CTBP2: variants seen among roughly 807,000 people sequenced by gnomAD.
CTBP2 encodes C-terminal-binding protein 2.
CTBP2 carries 30 observed loss-of-function variants against 80.3 expected under a neutral mutation model. The ratio of observed to expected loss-of-function variants is 0.37; its 90% CI spans 0.28 to 0.51. The LOEUF (loss-of-function observed/expected upper bound fraction) is 0.51. CTBP2 is among the 20% of genes least tolerant of loss of function. The probability of loss-of-function intolerance (pLI) is 0.93; values close to 1 mark genes in which losing one functional copy is unlikely to be tolerated. For missense variants in CTBP2, 1,212 were observed against 1,375.3 expected, an observed-to-expected ratio of 0.88 and a Z score of 1.88; for synonymous variants, 594 against 587.4, an observed-to-expected ratio of 1.01 and a Z score of -0.16.
intron 2 of CTBP2, among the ~76,000 whole-genome samples, chr10:125,096,821 C>T (rs928484640): frequency 1.3e-5 from 2 of 152,006 alleles, no homozygotes; most frequent in African/African-American, 2.4e-5. Context: ...AAGAGTGCCC[C>T]AATTTCTTCC....
chr10:124,997,880 T>C (rs755982877), intron 4 of CTBP2, 84 bp downstream of exon 6: 28 of 1,425,002 alleles, frequency 2.0e-5, no homozygotes, highest in Non-Finnish European at 2.6e-5. Context: ...AAGAGCAGGC[T>C]GGGGTTGCCT....
intron 2 of CTBP2, among the ~76,000 whole-genome samples, chr10:125,063,913 C>T (rs1035700484): frequency 1.3e-4 from 20 of 151,938 alleles, no homozygotes; most frequent in Non-Finnish European, 2.9e-4. Flanking sequence ...CACGGTTTTC[C>T]CCCACCCCCA....
In CTBP2 at chr10:125,059,659, G is replaced by A. The variant is rs562192642; in HGVS notation, c.-101-20504C>T. On this transcript the variant is annotated intron_variant, in intron 2 of 10. Transcript: ENST00000337195. ...CTGGACCCATTAGCCTAATGTCCAC[G>A]CTAAGATTTTCACACTGTTTTTTGA... Among the ~76,000 whole-genome samples, 90 of 152,238 alleles carry A rather than the reference G, an allele frequency of 5.9e-4. 2 individuals carry two copies. The South Asian group carries it at 0.017, about 29-fold the overall frequency.
At chr10:125,080,297 C>T (rs74495065) in intron 2 of CTBP2, among the ~76,000 whole-genome samples, 1 of 144,616 alleles carries the variant, frequency 6.9e-6, no homozygotes, top group South Asian at 2.1e-4. Context: ...AAAAAAAAAA[C>T]ACACACCCAC....
upstream of CTBP2, among the ~76,000 whole-genome samples, chr10:125,029,414 A>T (rs1957964283): frequency 6.6e-6 from 1 of 151,914 alleles, no homozygotes; most frequent in South Asian, 2.1e-4. Flanking sequence ...GCTAATTTTT[A>T]TATTTTTAGT....
intron 1 of CTBP2, among the ~76,000 whole-genome samples, chr10:125,139,853 C>T (rs1857513945): frequency 6.6e-6 from 1 of 152,218 alleles, no homozygotes; most frequent in South Asian, 2.1e-4. Flanking sequence ...CATCACAGAG[C>T]ACAGGTGGCT....
chr10:125,084,782 C>T (rs577753544), intron 2 of CTBP2, among the ~76,000 whole-genome samples: 15 of 151,968 alleles, frequency 9.9e-5, no homozygotes, highest in Middle Eastern at 3.4e-3. Flanking sequence ...CCTGACCCAC[C>T]GGCACTCTTT....
Position 125,084,476 on chromosome 10 carries a change from T to A in CTBP2, c.-102+26514A>T, listed in dbSNP as rs367939362. Among the ~76,000 whole-genome samples the A allele has an allele frequency of 3.3e-5, 5 of 151,522 alleles. No homozygotes were observed. In the East Asian group the frequency reaches 7.8e-4, roughly 24 times the overall value. The stretch of plus-strand genomic sequence containing the variant: ...AGGAGGGGCTGGCCTCTAGGTGGAG[T>A]CCCTACCAGTCCGGAGGCTCCCGCC... On this transcript the variant is annotated intron_variant, in intron 2 of 10. Transcript: ENST00000337195.
chr10:125,149,073 C>G (rs1859338452), intron 1 of CTBP2, among the ~76,000 whole-genome samples: 1 of 152,164 alleles, frequency 6.6e-6, no homozygotes, highest in Non-Finnish European at 1.5e-5. Context: ...AACCTGGATG[C>G]CAGCTCAGTG....
At chr10:125,039,686 A>G (rs1959191414) in intron 2 of CTBP2, among the ~76,000 whole-genome samples, 1 of 152,226 alleles carries the variant, frequency 6.6e-6, no homozygotes, top group South Asian at 2.1e-4. Context: ...CCCTGACTCT[A>G]CCACGTGAGA....
intron 1 of CTBP2, among the ~76,000 whole-genome samples, chr10:125,150,368 T>C (rs1299952002): frequency 1.3e-5 from 2 of 151,772 alleles, no homozygotes; most frequent in Non-Finnish European, 2.9e-5. Context: ...CCCAGGAGAG[T>C]GTGCCCATGC....
intron 2 of CTBP2, among the ~76,000 whole-genome samples, chr10:125,108,663 A>T (rs959605746): frequency 2.2e-5 from 3 of 135,046 alleles, no homozygotes; most frequent in African/African-American, 8.3e-5. Flanking sequence ...GAATTCCACC[A>T]TGAGAGCATC....
intron 2 of CTBP2, among the ~76,000 whole-genome samples, chr10:125,102,919 A>G (rs1442500928): frequency 6.6e-6 from 1 of 152,242 alleles, no homozygotes; most frequent in African/African-American, 2.4e-5. Flanking sequence ...TGGCTGAACC[A>G]CATTATCCCT....
At chr10:125,130,612 T>C (rs1475885463) in intron 1 of CTBP2, among the ~76,000 whole-genome samples, 1 of 152,220 alleles carries the variant, frequency 6.6e-6, no homozygotes, top group African/African-American at 2.4e-5. Context: ...TTTTAAAGTA[T>C]TAAGTATAGA....
intron 1 of CTBP2, among the ~76,000 whole-genome samples, chr10:125,159,686 C>A (rs1861605388): frequency 6.7e-6 from 1 of 149,532 alleles, no homozygotes; most frequent in Admixed American, 6.6e-5. Flanking sequence ...GCCCCGACTT[C>A]CCCACGGAAC....
rs758368838 is a variant in CTBP2 at position 124,988,334 on chromosome 10, CAA to C, written c.*1182_*1183del. 2 of 152,596 alleles carry C rather than the reference CAA, an allele frequency of 1.3e-5. No individual in the cohort carries two copies. Among genetic ancestry groups the C allele is most frequent in the Non-Finnish European group, 2.9e-5 (2 of 68,038 alleles). The allele number at this position is 152,596 out of a possible 1,614,324, so 9.5% of individuals were successfully genotyped here. A position where few individuals can be genotyped will look rare whatever the true frequency, so the allele number is the denominator to read the frequency against. ...GATGTACTTGAATTTCAGAACTTAA[CAA>C]ATTTTAATTACTTTTTATTGAAAAC... On this transcript the variant is annotated 3_prime_UTR_variant, in exon 9 of 9. Coordinates refer to ENST00000309035, the MANE Select transcript of CTBP2 (RefSeq NM_022802.3).
chr10:125,156,932 T>C (rs1861022690), intron 1 of CTBP2, among the ~76,000 whole-genome samples: 1 of 152,370 alleles, frequency 6.6e-6, no homozygotes, highest in Middle Eastern at 3.4e-3. Flanking sequence ...TTTCATCTTG[T>C]GTACACGACC....
chr10:125,104,362 TTCTA>T (rs1851124054), intron 2 of CTBP2, among the ~76,000 whole-genome samples: 1 of 152,204 alleles, frequency 6.6e-6, no homozygotes. Flanking sequence ...CCCCCTAATG[TTCTA>T]TCTTTTTGCC....
chr10:125,157,802 A>G (rs1861194612), intron 1 of CTBP2, among the ~76,000 whole-genome samples: 1 of 152,236 alleles, frequency 6.6e-6, no homozygotes, highest in South Asian at 2.1e-4. Flanking sequence ...CTTCAATGGC[A>G]ACTGTAAGCA....
Sources: allele counts gnomAD v4.1 joint callset (sites outside exome capture counted in the v4.1 genomes callset), GRCh38; gene constraint gnomAD v4.1.1; transcripts MANE v1.5; gene names NCBI Gene and HGNC (gene_info 2026-07-23, HGNC 2026-07-21).